Variants in CNOT6 observed in about 807,000 individuals in gnomAD.
CNOT6 encodes CCR4-NOT transcription complex subunit 6.
Under a neutral mutation model 61.2 loss-of-function variants are expected in CNOT6, and 12 were observed. The ratio of observed to expected loss-of-function variants is 0.20; its 90% CI spans 0.13 to 0.32. The LOEUF (loss-of-function observed/expected upper bound fraction) is 0.32. CNOT6 is among the 10% of genes least tolerant of loss of function. The pLI is 1.00. For missense variants in CNOT6, 405 were observed against 663.9 expected, an observed-to-expected ratio of 0.61 and a Z score of 4.28; for synonymous variants, 225 against 240.6, an observed-to-expected ratio of 0.94 and a Z score of 0.60.
At chr5:180,503,954 T>C (rs1470095718) in intron 1 of CNOT6, among the ~76,000 whole-genome samples, 1 of 152,176 alleles carries the variant, frequency 6.6e-6, no homozygotes, top group Non-Finnish European at 1.5e-5. Context: ...GGAATGGTCT[T>C]TTGAGGTTAA....
Position 180,574,090 on chromosome 5 carries a change from T to A in CNOT6, c.1564T>A (p.Cys522Ser). 1 of 1,614,074 alleles carries A rather than the reference T, an allele frequency of 6.2e-7. No homozygotes were observed. The stretch of plus-strand genomic sequence containing the variant: ...GCTGGTTGAGAATAACATCAGTGGC[T>A]GCCCGCACCCCCTCATCCCCTCTGA... ...HWLVENNISG[C>S]PHPLIPSDHF... Residue 522 changes from cysteine to serine, a missense_variant, in exon 12 of 12, where the codon TGC (cysteine) becomes AGC (serine). Transcript: ENST00000261951.
At position 180,569,357 on chromosome 5, in the gene CNOT6, A is replaced by AT. The variant is rs752194167; in HGVS notation, c.1258+21dup. On this transcript the variant is annotated intron_variant, in intron 10 of 11. Transcript: ENST00000261951. ...CAGACTCTGGTAAGAAAATAATGTG[A>AT]TTTTATGTAGAATATTTTTTGACAT... The AT allele has an allele frequency of 6.6e-7, 1 of 1,504,348 alleles. No individual in the cohort carries two copies. Among genetic ancestry groups the AT allele is most frequent in the South Asian group, 1.1e-5 (1 of 87,246 alleles). 93.2% of individuals were successfully genotyped at this position (1,504,348 alleles called of 1,614,324 possible). A position where few individuals can be genotyped will look rare whatever the true frequency, so the allele number is the denominator to read the frequency against.
chr5:180,555,493 C>T (rs1468999123), intron 4 of CNOT6, among the ~76,000 whole-genome samples: 2 of 152,176 alleles, frequency 1.3e-5, no homozygotes, highest in Non-Finnish European at 2.9e-5. Flanking sequence ...GAGACATTTG[C>T]TTATCTCACA....
chr5:180,513,416 C>T (rs1327554268), intron 1 of CNOT6, among the ~76,000 whole-genome samples: 2 of 151,820 alleles, frequency 1.3e-5, no homozygotes, highest in African/African-American at 2.4e-5. Context: ...TGTCGCCCAG[C>T]CTGGAGTCTG....
intron 2 of CNOT6, among the ~76,000 whole-genome samples, chr5:180,536,566 CT>C (rs1758711079): frequency 6.6e-6 from 1 of 152,122 alleles, no homozygotes; most frequent in African/African-American, 2.4e-5. Context: ...CCTCAGCCTC[CT>C]GAGTAGCTGG....
intron 1 of CNOT6, among the ~76,000 whole-genome samples, chr5:180,500,283 C>T (rs1756811688): frequency 6.6e-6 from 1 of 151,716 alleles, no homozygotes; most frequent in Non-Finnish European, 1.5e-5. Flanking sequence ...GCTGATTTTT[C>T]TTATTTTTAG....
At chr5:180,550,533 A>C (rs1039380734) in intron 3 of CNOT6, among the ~76,000 whole-genome samples, 5 of 152,230 alleles carry the variant, frequency 3.3e-5, no homozygotes, top group Non-Finnish European at 7.3e-5. Context: ...AGGAAACATA[A>C]CTATATCCTT....
Position 180,574,072 on chromosome 5 carries a change from G to A in CNOT6, c.1546G>A (p.Glu516Lys), listed in dbSNP as rs774905643. The change falls in exon 12 of 12, where the codon GAG becomes AAG. Residue 516 changes from glutamate (E) to lysine (K), a missense_variant. Coordinates refer to ENST00000261951, the MANE Select transcript of CNOT6 (RefSeq NM_001370472.1). The stretch of plus-strand genomic sequence containing the variant: ...CCCTCTGGACCACCACTGGCTGGTT[G>A]AGAATAACATCAGTGGCTGCCCGCA... ...LGPLDHHWLV[E>K]NNISGCPHPL... 6.2e-7 allele frequency: 1 copy of A among 1,614,064 alleles called. No individual in the cohort carries two copies. Among genetic ancestry groups the A allele is most frequent in the Admixed American group, 1.7e-5 (1 of 60,014 alleles).
intron 4 of CNOT6, among the ~76,000 whole-genome samples, chr5:180,558,718 A>C (rs973632715): frequency 1.3e-5 from 2 of 151,946 alleles, no homozygotes; most frequent in African/African-American, 4.8e-5. Context: ...TTTAATGTAG[A>C]AATTTTCCTC....
chr5:180,510,526 G>T (rs999152636), intron 1 of CNOT6, among the ~76,000 whole-genome samples: 2 of 152,114 alleles, frequency 1.3e-5, no homozygotes, highest in Non-Finnish European at 2.9e-5. Flanking sequence ...TTAATTTGTA[G>T]AATTCAAATC....
chr5:180,501,337 A>G (rs1001571443), intron 1 of CNOT6, among the ~76,000 whole-genome samples: 2 of 152,186 alleles, frequency 1.3e-5, no homozygotes, highest in African/African-American at 4.8e-5. Context: ...TATGATTCAG[A>G]ACTTGTTTAG....
chr5:180,496,225 G>A (rs1756608307), intron 1 of CNOT6, among the ~76,000 whole-genome samples: 1 of 152,164 alleles, frequency 6.6e-6, no homozygotes, highest in Admixed American at 6.5e-5. Context: ...AGAATGTGAT[G>A]ACTTTTAGAG....
At chr5:180,551,822 T>G (rs542890053) in intron 3 of CNOT6, among the ~76,000 whole-genome samples, 1 of 152,192 alleles carries the variant, frequency 6.6e-6, no homozygotes, top group South Asian at 2.1e-4. Flanking sequence ...TCTATGACTG[T>G]TTTTAGTCCT....
At chr5:180,554,516 A>AG (rs1035065990) in intron 4 of CNOT6, among the ~76,000 whole-genome samples, 1 of 114,026 alleles carries the variant, frequency 8.8e-6, no homozygotes, top group African/African-American at 2.8e-5. Context: ...ATAAAAGAAC[A>AG]GTTTTTTTTA....
At chr5:180,528,213 C>T (rs1464832387) in intron 1 of CNOT6, among the ~76,000 whole-genome samples, 1 of 152,068 alleles carries the variant, frequency 6.6e-6, no homozygotes, top group African/African-American at 2.4e-5. Flanking sequence ...AATTATGTAA[C>T]TCTTTTTGGA....
intron 4 of CNOT6, among the ~76,000 whole-genome samples, chr5:180,562,215 A>G (rs1303420119): frequency 6.6e-6 from 1 of 152,006 alleles, no homozygotes; most frequent in Non-Finnish European, 1.5e-5. Context: ...TCCTTTTTTC[A>G]GAGTTTTGTG....
rs574159444 is a variant in CNOT6 at position 180,551,819 on chromosome 5, C to T, written c.300-1567C>T. On this transcript the variant is annotated intron_variant, in intron 3 of 11. Transcript: ENST00000261951. ...AGGTTTAATTGAGTTTGTTCTATGACTGTTTTTAGTCCTCTGAAACAAATT... is the reference window on the plus strand; with the variant it reads ...AGGTTTAATTGAGTTTGTTCTATGATTGTTTTTAGTCCTCTGAAACAAATT... 1.1e-4 allele frequency among the ~76,000 whole-genome samples: 16 copies of T among 151,256 alleles called. No individual in the cohort carries two copies. The South Asian group carries it at 2.9e-3, about 28-fold the overall frequency.
Position 180,564,596 on chromosome 5 carries a change from A to C in CNOT6, c.490+3A>C. The C allele has an allele frequency of 1.2e-6, 2 of 1,612,458 alleles. No homozygotes were observed. The highest frequency in any genetic ancestry group is 1.7e-6 in the Non-Finnish European group (2 of 1,178,510). On this transcript the variant is annotated splice_donor_region_variant and intron_variant, in intron 5 of 11. Transcript: ENST00000261951. The stretch of plus-strand genomic sequence containing the variant: ...TTTGTCAGGTACTGCAAAAAGAAGT[A>C]AGTGGTTATTTGTTTAAACCTTTTT...
chr5:180,559,351 C>T (rs1760056613), intron 4 of CNOT6, among the ~76,000 whole-genome samples: 1 of 152,174 alleles, frequency 6.6e-6, no homozygotes, highest in Non-Finnish European at 1.5e-5. Context: ...TTTATTATTA[C>T]ATAATGTTAT....
Sources: gnomAD v4.1 joint callset for allele counts (sites outside exome capture counted in the v4.1 genomes callset) on GRCh38, gnomAD v4.1.1 for gene constraint, MANE v1.5 for transcripts, NCBI Gene and HGNC (gene_info 2026-07-23, HGNC 2026-07-21) for gene names.